Variants in PFKFB3 observed in about 807,000 individuals in gnomAD.
PFKFB3 encodes 6-phosphofructo-2-kinase/fructose-2,6-bisphosphatase 3.
A neutral mutation model predicts 68.0 loss-of-function variants in PFKFB3; 33 were observed. The ratio of observed to expected loss-of-function variants is 0.49; its 90% CI spans 0.37 to 0.65. The LOEUF is 0.65. Ranked by LOEUF, PFKFB3 falls within the 30% of genes least tolerant of loss-of-function variation. The probability of loss-of-function intolerance (pLI) is 0.00; values close to 1 mark genes in which losing one functional copy is unlikely to be tolerated. For synonymous variants in PFKFB3, 315 were observed against 288.2 expected (o/e 1.09, Z -0.94); for missense variants, 586 against 712.2 (o/e 0.82, Z 2.02).
chr10:6,189,581 C>A (rs1842971583), intron 1 of PFKFB3, among the ~76,000 whole-genome samples: 1 of 149,492 alleles, frequency 6.7e-6, no homozygotes, highest in Non-Finnish European at 1.5e-5. Flanking sequence ...GTGGCGCGAT[C>A]TCTGCTCACT....
the PFKFB3 span, among the ~76,000 whole-genome samples, chr10:6,311,473 G>A: frequency 6.6e-6 from 1 of 152,068 alleles, no homozygotes; most frequent in South Asian, 2.1e-4. Flanking sequence ...TGCTTTGTTG[G>A]CTGGGCCCAG....
At chr10:6,298,328 A>G in the PFKFB3 span, among the ~76,000 whole-genome samples, 1 of 150,804 alleles carries the variant, frequency 6.6e-6, no homozygotes, top group Non-Finnish European at 1.5e-5. Context: ...GGGAAGTAGG[A>G]GAATGGCAGA....
chr10:6,212,370 G>A (rs980167413), intron 1 of PFKFB3, among the ~76,000 whole-genome samples: 3 of 152,184 alleles, frequency 2.0e-5, no homozygotes, highest in Admixed American at 1.3e-4. Context: ...CTGCTGTTTT[G>A]TCTTACTGAG....
chr10:6,221,763 C>A lies in PFKFB3; in HGVS notation c.1083+18C>A. Reference sequence around the variant, plus strand: ...CCGGGGAGGTGAGCGCAGGCTGGGGCGGGCTGACGGTCCCCAGCACACATG... The same window carrying A: ...CCGGGGAGGTGAGCGCAGGCTGGGGAGGGCTGACGGTCCCCAGCACACATG... On this transcript the variant is annotated intron_variant, in intron 10 of 14. Coordinates refer to ENST00000379775, the MANE Select transcript of PFKFB3 (RefSeq NM_004566.4). 6.6e-7 allele frequency: 1 copy of A among 1,516,554 alleles called. No individual in the cohort carries two copies. Among genetic ancestry groups the A allele is most frequent in the Non-Finnish European group, 9.0e-7 (1 of 1,109,472 alleles). 93.9% of individuals were successfully genotyped at this position (1,516,554 alleles called of 1,614,324 possible). A position where few individuals can be genotyped will look rare whatever the true frequency, so the allele number is the denominator to read the frequency against.
chr10:6,266,116 C>A, the PFKFB3 span, among the ~76,000 whole-genome samples: 1 of 152,032 alleles, frequency 6.6e-6, no homozygotes, highest in African/African-American at 2.4e-5. Flanking sequence ...ACTATGTTGC[C>A]CAGGCTGGTC....
At chr10:6,178,375 C>A (rs1207896107) in intron 1 of PFKFB3, among the ~76,000 whole-genome samples, 4 of 152,310 alleles carry the variant, frequency 2.6e-5, no homozygotes, top group South Asian at 2.1e-4. Flanking sequence ...TGGGGAGACA[C>A]AACCAGCAAC....
chr10:6,171,965 T>G (rs1378406729), intron 1 of PFKFB3, among the ~76,000 whole-genome samples: 1 of 152,272 alleles, frequency 6.6e-6, no homozygotes, highest in Non-Finnish European at 1.5e-5. Flanking sequence ...GTTCTGCAGC[T>G]GGCGGGCTGA....
At chr10:6,293,452 T>C in the PFKFB3 span, 1 of 214,178 alleles carries the variant, frequency 4.7e-6, no homozygotes, top group Non-Finnish European at 9.4e-6. Context: ...TTCAAACAAT[T>C]TTCCTGCCTC....
At chr10:6,301,504 T>G in the PFKFB3 span, among the ~76,000 whole-genome samples, 12 of 152,222 alleles carry the variant, frequency 7.9e-5, no homozygotes, top group Non-Finnish European at 1.3e-4. Context: ...GCACATTGTT[T>G]CCTAAAGTGA....
At chr10:6,171,244 G>A (rs1355069321) in intron 1 of PFKFB3, among the ~76,000 whole-genome samples, 4 of 151,860 alleles carry the variant, frequency 2.6e-5, no homozygotes, top group African/African-American at 9.7e-5. Flanking sequence ...TAGTAGAGAC[G>A]GGATTTCTCC....
the PFKFB3 span, among the ~76,000 whole-genome samples, chr10:6,284,475 T>G: frequency 2.0e-5 from 3 of 152,226 alleles, no homozygotes; most frequent in East Asian, 3.8e-4. Context: ...GAAGTCTGCT[T>G]TGTCTGAAAT....
intron 1 of PFKFB3, among the ~76,000 whole-genome samples, chr10:6,193,763 G>A (rs1588451039): frequency 1.3e-5 from 2 of 152,292 alleles, no homozygotes; most frequent in South Asian, 4.1e-4. Flanking sequence ...ATCTCAGAAA[G>A]TACATTCTCA....
At chr10:6,258,041 G>A (rs998279753), downstream of PFKFB3, among the ~76,000 whole-genome samples, 12 of 152,168 alleles carry the variant, frequency 7.9e-5, no homozygotes, top group African/African-American at 1.7e-4. Context: ...GAAAGGGACC[G>A]GCGGGTAGAA....
exon 15 of PFKFB3, chr10:6,254,581 T>C (rs1564238111): frequency 5.3e-6 from 2 of 378,482 alleles, no homozygotes; most frequent in Non-Finnish European, 9.3e-6. Context: ...GTGCTTCGAG[T>C]TCCCATACAA....
intron 1 of PFKFB3, among the ~76,000 whole-genome samples, chr10:6,164,452 T>G (rs1282083433): frequency 6.6e-6 from 1 of 152,186 alleles, no homozygotes; most frequent in Non-Finnish European, 1.5e-5. Context: ...CTGGGCACAC[T>G]TGACCCCTGT....
upstream of PFKFB3, chr10:6,202,827 G>A: frequency 1.0e-6 from 1 of 967,510 alleles, no homozygotes; most frequent in Non-Finnish European, 1.2e-6. Flanking sequence ...TCCTCCCCAC[G>A]TGGAAGGGGG....
the PFKFB3 span, among the ~76,000 whole-genome samples, chr10:6,318,247 C>G: frequency 3.9e-5 from 6 of 152,212 alleles, no homozygotes; most frequent in Non-Finnish European, 7.3e-5. Flanking sequence ...CCTTCTCAAG[C>G]TGCCCCTGGG....
intron 1 of PFKFB3, among the ~76,000 whole-genome samples, chr10:6,203,663 G>T (rs1843488309): frequency 6.6e-6 from 1 of 151,786 alleles, no homozygotes; most frequent in Admixed American, 6.6e-5. Context: ...ACCCGTCTCG[G>T]GCGGCCGTCG....
chr10:6,238,283 G>C, downstream of PFKFB3, among the ~76,000 whole-genome samples: 1 of 151,972 alleles, frequency 6.6e-6, no homozygotes, highest in South Asian at 2.1e-4. Context: ...TCCTGCCTCA[G>C]CCTCCTGAGT....
Sources: gnomAD v4.1 joint callset for allele counts (sites outside exome capture counted in the v4.1 genomes callset) on GRCh38, gnomAD v4.1.1 for gene constraint, MANE v1.5 for transcripts, NCBI Gene and HGNC (gene_info 2026-07-23, HGNC 2026-07-21) for gene names.